The following TMEM135 variants were observed in gnomAD, a reference collection of about 807,000 sequenced individuals.
TMEM135 encodes the protein transmembrane protein 135.
In TMEM135, 30 loss-of-function variants were observed where a neutral mutation model predicts 60.3. The ratio of observed to expected loss-of-function variants is 0.50; its 90% CI spans 0.37 to 0.68. The LOEUF is 0.68. TMEM135 is among the 30% of genes least tolerant of loss of function. TMEM135 has a pLI of 0.00. For missense variants in TMEM135, 468 were observed against 548.8 expected, an observed-to-expected ratio of 0.85 and a Z score of 1.47; for synonymous variants, 190 against 186.7, an observed-to-expected ratio of 1.02 and a Z score of -0.14.
intron 6 of TMEM135, among the ~76,000 whole-genome samples, chr11:87,253,389 A>T (rs1941459435): frequency 6.6e-6 from 1 of 152,118 alleles, no homozygotes; most frequent in Non-Finnish European, 1.5e-5. Flanking sequence ...GACACTTGCA[A>T]TAAAAATGAC....
intron 5 of TMEM135, among the ~76,000 whole-genome samples, chr11:87,194,534 A>ATG (rs1272050632): frequency 4.6e-5 from 7 of 151,890 alleles, no homozygotes; most frequent in South Asian, 2.1e-4. Flanking sequence ...ATACCTGTGT[A>ATG]TGTGTGTGTG....
intron 4 of TMEM135, among the ~76,000 whole-genome samples, chr11:87,112,137 G>A (rs1857768203): frequency 6.6e-6 from 1 of 152,152 alleles, no homozygotes; most frequent in Non-Finnish European, 1.5e-5. Context: ...GGATATAATA[G>A]CAATGCTTAT....
chr11:87,060,201 C>T (rs1311951184), intron 1 of TMEM135, among the ~76,000 whole-genome samples: 1 of 152,196 alleles, frequency 6.6e-6, no homozygotes, highest in Non-Finnish European at 1.5e-5. Flanking sequence ...TGTCCAGTCT[C>T]TGCTATTGGA....
chr11:87,281,636 T>C (rs2135420729), intron 6 of TMEM135, among the ~76,000 whole-genome samples: 1 of 152,366 alleles, frequency 6.6e-6, no homozygotes, highest in East Asian at 1.9e-4. Flanking sequence ...ACTGTGTTAT[T>C]GTTCAAAAAC....
chr11:87,247,239 G>A (rs917562132), intron 6 of TMEM135, among the ~76,000 whole-genome samples: 13 of 152,250 alleles, frequency 8.5e-5, no homozygotes, highest in African/African-American at 1.2e-4. Flanking sequence ...GTACCTGGCC[G>A]TGTGAGGTGT....
chr11:87,261,174 G>A (rs1030775563), intron 6 of TMEM135, among the ~76,000 whole-genome samples: 1 of 152,126 alleles, frequency 6.6e-6, no homozygotes, highest in African/African-American at 2.4e-5. Flanking sequence ...ACAGAAAATA[G>A]CTATTCATAT....
chr11:87,292,200 A>G (rs555061430), intron 6 of TMEM135, among the ~76,000 whole-genome samples: 2 of 152,238 alleles, frequency 1.3e-5, no homozygotes, highest in South Asian at 2.1e-4. Context: ...AAGCCTGACT[A>G]CGTCACTGTT....
At chr11:87,150,015 A>G (rs1281440322) in intron 4 of TMEM135, among the ~76,000 whole-genome samples, 1 of 152,068 alleles carries the variant, frequency 6.6e-6, no homozygotes, top group African/African-American at 2.4e-5. Flanking sequence ...GTCAAGAGTT[A>G]GCGACCAGCC....
chr11:87,078,792 CT>C (rs35962056), intron 3 of TMEM135, among the ~76,000 whole-genome samples: 1 of 149,402 alleles, frequency 6.7e-6, no homozygotes, highest in African/African-American at 2.5e-5. Flanking sequence ...TTTTGTATTT[CT>C]TTTTTTTTAG....
intron 5 of TMEM135, 76 bp from the exon 6 acceptor site, chr11:87,236,562 T>A: frequency 8.6e-7 from 1 of 1,168,488 alleles, no homozygotes. Flanking sequence ...GATTTAATAG[T>A]ATTTTGCTTT....
chr11:87,096,062 C>A (rs2445552), intron 4 of TMEM135: 147,668 of 225,752 alleles, frequency 0.65, 50,819 homozygotes, highest in East Asian at 0.89. Context: ...ATTGCCTTCT[C>A]TCTACTCCTG....
intron 5 of TMEM135, among the ~76,000 whole-genome samples, chr11:87,168,312 T>C (rs1341265173): frequency 1.3e-5 from 2 of 152,178 alleles, no homozygotes; most frequent in East Asian, 3.9e-4. Flanking sequence ...CCTTCAGTTC[T>C]GCTCTGATCT....
chr11:87,088,326 C>G (rs1402025246), intron 3 of TMEM135, among the ~76,000 whole-genome samples: 1 of 152,140 alleles, frequency 6.6e-6, no homozygotes, highest in Non-Finnish European at 1.5e-5. Context: ...CAACCAGTCT[C>G]TCCAGTTGTG....
intron 5 of TMEM135, among the ~76,000 whole-genome samples, chr11:87,165,838 C>T (rs959961026): frequency 1.5e-4 from 20 of 133,982 alleles, no homozygotes; most frequent in South Asian, 1.0e-3. Flanking sequence ...ATTGATAGAC[C>T]GCTAGTAAGA....
chr11:87,213,055 G>C (rs1352085128), intron 5 of TMEM135, among the ~76,000 whole-genome samples: 1 of 152,002 alleles, frequency 6.6e-6, no homozygotes, highest in East Asian at 1.9e-4. Flanking sequence ...TATAATCTGG[G>C]TTCTTATGGA....
chr11:87,186,864 G>A (rs541246070), intron 5 of TMEM135, among the ~76,000 whole-genome samples: 175 of 152,258 alleles, frequency 1.1e-3, no homozygotes, highest in African/African-American at 4.0e-3. Context: ...GGAATGAGCA[G>A]AAAGTGATTT....
intron 5 of TMEM135, among the ~76,000 whole-genome samples, chr11:87,218,795 C>G (rs938464994): frequency 6.6e-6 from 1 of 152,122 alleles, no homozygotes; most frequent in Non-Finnish European, 1.5e-5. Flanking sequence ...AACCCCGTCT[C>G]TACTAAAAAT....
At chr11:87,205,634 C>T (rs190275808) in intron 5 of TMEM135, among the ~76,000 whole-genome samples, 2 of 152,230 alleles carry the variant, frequency 1.3e-5, no homozygotes, top group Non-Finnish European at 2.9e-5. Flanking sequence ...TGTGTTACAG[C>T]CAGCTTTTAA....
chr11:87,261,826 C>T (rs921559584), intron 6 of TMEM135, among the ~76,000 whole-genome samples: 12 of 152,056 alleles, frequency 7.9e-5, no homozygotes, highest in African/African-American at 1.2e-4. Context: ...GATCCCCTTA[C>T]GTTGCTCAGG....
Sources: allele counts gnomAD v4.1 joint callset (sites outside exome capture counted in the v4.1 genomes callset), GRCh38; gene constraint gnomAD v4.1.1; transcripts MANE v1.5; gene names NCBI Gene and HGNC (gene_info 2026-07-23, HGNC 2026-07-21).